Variants in LASP1 observed in about 807,000 individuals in gnomAD.
The protein encoded by LASP1 is LIM and SH3 protein 1.
Under a neutral mutation model 38.6 loss-of-function variants are expected in LASP1, and 10 were observed. The observed-to-expected ratio is 0.26, with a 90% CI of 0.16 to 0.44. The LOEUF is 0.44. LASP1 is among the 20% of genes least tolerant of loss of function. The pLI is 1.00. For synonymous variants in LASP1, 132 were observed against 140.8 expected (o/e 0.94, Z 0.44); for missense variants, 243 against 375.7 (o/e 0.65, Z 2.92).
rs533100990 is a variant in LASP1 at position 38,917,401 on chromosome 17, T to C, written c.613-1204T>C. Among the ~76,000 whole-genome samples, 4 of 152,294 alleles carry C rather than the reference T, an allele frequency of 2.6e-5. No homozygotes were observed. The South Asian group carries it at 8.3e-4, about 32-fold the overall frequency. On this transcript the variant is annotated intron_variant, in intron 6 of 6. Transcript: ENST00000318008. ...TATAGCTATAGGATTTATTTTTCTTTTTTTTTTCCTCTTTCTTTTTTTAAA... is the reference window on the plus strand; with the variant it reads ...TATAGCTATAGGATTTATTTTTCTTCTTTTTTTCCTCTTTCTTTTTTTAAA...
chr17:38,880,127 A>G (rs556248336), intron 2 of LASP1, among the ~76,000 whole-genome samples: 8 of 152,278 alleles, frequency 5.3e-5, no homozygotes, highest in Admixed American at 3.3e-4. Flanking sequence ...GGGTTCAGAG[A>G]AGCCAGGGCA....
chr17:38,880,561 G>T (rs978480475), intron 2 of LASP1, among the ~76,000 whole-genome samples: 2 of 152,220 alleles, frequency 1.3e-5, no homozygotes, highest in South Asian at 4.1e-4. Flanking sequence ...ATGCCTCATT[G>T]ACCTTTGGCC....
intron 4 of LASP1, among the ~76,000 whole-genome samples, chr17:38,905,409 G>A (rs181622144): frequency 4.2e-4 from 64 of 151,566 alleles, no homozygotes; most frequent in Non-Finnish European, 5.6e-4. Flanking sequence ...ACTCGGTGGC[G>A]CAATCCCAGC....
rs376692875 is a variant in LASP1, at chr17:38,877,618, C to T, written c.70-468C>T. Reference sequence around the variant, plus strand: ...GAGCTAGGAGCACCTGGGTTCTGGGCCTGGGTGTGTGGGGGCTGGGCCTTC... The same window carrying T: ...GAGCTAGGAGCACCTGGGTTCTGGGTCTGGGTGTGTGGGGGCTGGGCCTTC... On this transcript the variant is annotated intron_variant, in intron 1 of 6. Coordinates refer to ENST00000318008, the MANE Select transcript of LASP1 (RefSeq NM_006148.4). 7.1e-4 allele frequency among the ~76,000 whole-genome samples: 108 copies of T among 152,246 alleles called. 1 individual carries two copies. The highest frequency in any genetic ancestry group is 4.7e-4 in the Non-Finnish European group (32 of 67,994).
chr17:38,919,647 C>G lies in LASP1; in HGVS notation c.*869C>G, dbSNP rs1299737411. On this transcript the variant is annotated 3_prime_UTR_variant, in exon 7 of 7. Transcript: ENST00000318008. The stretch of plus-strand genomic sequence containing the variant: ...AGTGTAGGGCAAGGGTGCCTCAGGA[C>G]CTTTTGGTCTTCAGCCTCCCTCAGC... 3.1e-6 allele frequency: 1 copy of G among 327,350 alleles called. No individual in the cohort carries two copies. 20.3% of individuals were successfully genotyped at this position (327,350 alleles called of 1,614,324 possible).
At chr17:38,913,084 C>CT (rs1310325542) in intron 4 of LASP1, among the ~76,000 whole-genome samples, 1 of 152,156 alleles carries the variant, frequency 6.6e-6, no homozygotes, top group Non-Finnish European at 1.5e-5. Context: ...ACCTTGATGG[C>CT]TAATGCAGCC....
chr17:38,918,568 C>G lies in LASP1; in HGVS notation c.613-37C>G. On this transcript the variant is annotated intron_variant, in intron 6 of 6. Coordinates refer to ENST00000318008, the MANE Select transcript of LASP1 (RefSeq NM_006148.4). The surrounding 1 kb of genome is among the most constrained non-coding windows in gnomAD (Gnocchi z 4.4). ...AAATGCTCAGACCCAGGTGAGCCGG[C>G]ATGCAGGGCCCTAGGCTGACCACAC... 1 of 1,536,746 alleles carries G rather than the reference C, an allele frequency of 6.5e-7. No individual in the cohort carries two copies. The highest frequency in any genetic ancestry group is 8.8e-7 in the Non-Finnish European group (1 of 1,136,902).
chr17:38,894,146 C>T (rs971041787), intron 3 of LASP1, among the ~76,000 whole-genome samples: 2 of 152,066 alleles, frequency 1.3e-5, no homozygotes, highest in African/African-American at 4.8e-5. Context: ...CAGCTGGACC[C>T]CCAGCCCCCC....
At chr17:38,898,769 C>T (rs980199906) in intron 4 of LASP1, 2 of 570,822 alleles carry the variant, frequency 3.5e-6, no homozygotes, top group Non-Finnish European at 6.7e-6. Context: ...TGTGCTAAAT[C>T]AGCCCCCACT....
intron 2 of LASP1, among the ~76,000 whole-genome samples, chr17:38,889,882 A>G (rs1160502140): frequency 6.6e-6 from 1 of 152,146 alleles, no homozygotes; most frequent in Non-Finnish European, 1.5e-5. Context: ...ACCGTTTGAA[A>G]TACCACTTTA....
chr17:38,893,381 G>A (rs949495416), intron 3 of LASP1, among the ~76,000 whole-genome samples: 7 of 152,162 alleles, frequency 4.6e-5, no homozygotes, highest in African/African-American at 1.4e-4. Context: ...TGACTCCCCC[G>A]TGATTCTGAT....
rs541233035 is a variant in LASP1, at chr17:38,914,724, G to A, written c.508+249G>A. Among the ~76,000 whole-genome samples the A allele has an allele frequency of 2.4e-4, 36 of 151,296 alleles. 1 individual carries two copies. The highest frequency in any genetic ancestry group is 8.5e-4 in the African/African-American group (35 of 41,168). On this transcript the variant is annotated intron_variant, in intron 5 of 6. Transcript: ENST00000318008. ...CACACACACACACACATGCACGCAC[G>A]CATGCAGGCGAGGAAAAGACTGCTT...
Position 38,918,512 on chromosome 17 carries a change from C to T in LASP1, c.613-93C>T. 7.9e-7 allele frequency: 1 copy of T among 1,273,874 alleles called. No individual in the cohort carries two copies. Among genetic ancestry groups the T allele is most frequent in the Non-Finnish European group, 1.1e-6 (1 of 920,402 alleles). 78.9% of individuals were successfully genotyped at this position (1,273,874 alleles called of 1,614,324 possible). On this transcript the variant is annotated intron_variant, in intron 6 of 6. Transcript: ENST00000318008. This position sits in a 1 kb window ranked among gnomAD's most constrained non-coding sequence, Gnocchi z 4.4. ...TTTCTGAGTTCACTGCTCCCCCAGG[C>T]TCTGCTCCAGGGTCGTGGAGAGTTA...
chr17:38,913,900 G>A (rs1005456459), intron 4 of LASP1, among the ~76,000 whole-genome samples: 2 of 152,058 alleles, frequency 1.3e-5, no homozygotes, highest in Non-Finnish European at 2.9e-5. Context: ...CGCCCAGGAG[G>A]CTGAGGCAGG....
intron 4 of LASP1, among the ~76,000 whole-genome samples, chr17:38,908,259 A>G (rs969038659): frequency 1.3e-5 from 2 of 152,184 alleles, no homozygotes; most frequent in Non-Finnish European, 2.9e-5. Flanking sequence ...ACAGGTTCTC[A>G]GGGGCAGGCT....
Position 38,870,129 on chromosome 17 carries a change from C to A in LASP1, c.-61C>A. The stretch of plus-strand genomic sequence containing the variant: ...CAGCCGCGGCCGCCTCCCGCCAGCT[C>A]GCCTCGGGGAACAGGACGCGCGTGA... On this transcript the variant is annotated 5_prime_UTR_variant, in exon 1 of 7. Coordinates refer to ENST00000318008, the MANE Select transcript of LASP1 (RefSeq NM_006148.4). 1 of 1,596,274 alleles carries A rather than the reference C, an allele frequency of 6.3e-7. No homozygotes were observed. The highest frequency in any genetic ancestry group is 1.1e-5 in the South Asian group (1 of 90,546).
intron 4 of LASP1, among the ~76,000 whole-genome samples, chr17:38,913,686 C>T (rs1242538034): frequency 3.9e-5 from 6 of 152,062 alleles, no homozygotes; most frequent in Admixed American, 2.6e-4. Context: ...AGAGCAGCCC[C>T]GCCCCTGCCG....
intron 2 of LASP1, chr17:38,890,209 C>T (rs74824031): frequency 0.033 from 18,658 of 564,742 alleles, 417 homozygotes; most frequent in Non-Finnish European, 0.044. Context: ...ATGCCTGCTG[C>T]GTCTTCCCAG....
In LASP1 at chr17:38,920,888, C is replaced by CCCCTT. The variant is rs1915280933; in HGVS notation, c.*2110_*2111insCCCTT. 1 of 232,408 alleles carries CCCCTT rather than the reference C, an allele frequency of 4.3e-6. No homozygotes were observed. The highest frequency in any genetic ancestry group is 8.5e-6 in the Non-Finnish European group (1 of 117,374). The allele number at this position is 232,408 out of a possible 1,614,324, so 14.4% of individuals were successfully genotyped here. A position where few individuals can be genotyped will look rare whatever the true frequency, so the allele number is the denominator to read the frequency against. On this transcript the variant is annotated 3_prime_UTR_variant, in exon 7 of 7. Coordinates refer to ENST00000318008, the MANE Select transcript of LASP1 (RefSeq NM_006148.4). The stretch of plus-strand genomic sequence containing the variant: ...CAATGTGGATTTGGGGACCAAAGGT[C>CCCCTT]AGGGACACATCCCCTTAGAGGACCT...
Sources: allele counts gnomAD v4.1 joint callset (sites outside exome capture counted in the v4.1 genomes callset), GRCh38; gene constraint gnomAD v4.1.1; non-coding constraint Gnocchi (gnomAD v3.1); transcripts MANE v1.5; gene names NCBI Gene and HGNC (gene_info 2026-07-23, HGNC 2026-07-21).